Variants in TMEM51 observed in about 807,000 individuals in gnomAD.
TMEM51 encodes transmembrane protein 51, also known as chromosome 1 open reading frame 72.
TMEM51 carries 8 observed loss-of-function variants against 13.6 expected under a neutral mutation model. That is an observed-to-expected ratio of 0.59 (90% confidence interval 0.35 to 1.07). The LOEUF (loss-of-function observed/expected upper bound fraction) is 1.07. Among genes scored for constraint, TMEM51 ranks in the 50% least tolerant of loss-of-function variants. TMEM51 has a pLI of 0.02. For missense variants in TMEM51, 279 were observed against 330.7 expected, an observed-to-expected ratio of 0.84 and a Z score of 1.21; for synonymous variants, 147 against 144.4, an observed-to-expected ratio of 1.02 and a Z score of -0.13.
intron 1 of TMEM51, among the ~76,000 whole-genome samples, chr1:15,183,029 C>T (rs1010402771): frequency 6.6e-6 from 1 of 152,222 alleles, no homozygotes; most frequent in African/African-American, 2.4e-5. Context: ...TTCCAAAGTA[C>T]TAGGATAACA....
At chr1:15,197,997 A>G (rs1056871017) in intron 1 of TMEM51, among the ~76,000 whole-genome samples, 1 of 148,608 alleles carries the variant, frequency 6.7e-6, no homozygotes, top group Non-Finnish European at 1.5e-5. Context: ...ATAAACCTTT[A>G]TTTTTCTCTT....
rs1340726202 is a variant in TMEM51, at chr1:15,215,504, C to A, written c.344+73C>A. ...CACGCATGCACACACATGTTCACACCTTTCCGTGGTGAAAAGACTGTCATC... is the reference window on the plus strand; with the variant it reads ...CACGCATGCACACACATGTTCACACATTTCCGTGGTGAAAAGACTGTCATC... On this transcript the variant is annotated intron_variant, in intron 3 of 3. Transcript: ENST00000376008. 3.0e-6 allele frequency: 4 copies of A among 1,352,184 alleles called. No homozygotes were observed. The African/African-American group carries it at 4.4e-5, about 15-fold the overall frequency. The allele number at this position is 1,352,184 out of a possible 1,614,324, so 83.8% of individuals were successfully genotyped here. A position where few individuals can be genotyped will look rare whatever the true frequency, so the allele number is the denominator to read the frequency against.
chr1:15,183,008 C>G (rs538951898), intron 1 of TMEM51, among the ~76,000 whole-genome samples: 1 of 152,324 alleles, frequency 6.6e-6, no homozygotes, highest in South Asian at 2.1e-4. Context: ...AGTGATCCTC[C>G]CGCCTCAACC....
intron 1 of TMEM51, among the ~76,000 whole-genome samples, chr1:15,209,402 G>A (rs948794395): frequency 4.2e-4 from 64 of 152,096 alleles, no homozygotes; most frequent in Non-Finnish European, 9.0e-4. Context: ...TGGCCAGAAG[G>A]TAGCCTGAAT....
At chr1:15,168,625 A>G (rs1197612621) in intron 1 of TMEM51, 6 of 1,304,448 alleles carry the variant, frequency 4.6e-6, no homozygotes, top group African/African-American at 3.0e-5. Flanking sequence ...GAGTTCTTCA[A>G]CCTTGCCTGT....
At position 15,184,129 on chromosome 1, in the gene TMEM51, C is replaced by T. The variant is rs567923280; in HGVS notation, c.-266-26361C>T. Among the ~76,000 whole-genome samples the T allele has an allele frequency of 1.4e-3, 216 of 151,664 alleles. 1 individual carries two copies. Among genetic ancestry groups the T allele is most frequent in the African/African-American group, 5.1e-3 (211 of 41,386 alleles). ...ATCTCAGTTCACTGCAACTCTGCCT[C>T]CCAGGTTCAAGTGATTCTCCTGCAC... On this transcript the variant is annotated intron_variant, in intron 1 of 3. Transcript: ENST00000376008.
chr1:15,178,014 A>G (rs181468216), intron 1 of TMEM51, among the ~76,000 whole-genome samples: 1 of 152,230 alleles, frequency 6.6e-6, no homozygotes, highest in Non-Finnish European at 1.5e-5. Flanking sequence ...TCACCCAGCC[A>G]GGAAGGAAGT....
chr1:15,193,377 C>T (rs918257852), intron 1 of TMEM51, among the ~76,000 whole-genome samples: 10 of 152,130 alleles, frequency 6.6e-5, no homozygotes. Flanking sequence ...TGCTTGAGAT[C>T]ACAGGCTGGC....
chr1:15,152,766 G>GA (rs1642438576), upstream of TMEM51: 2 of 65,876 alleles, frequency 3.0e-5, no homozygotes, highest in Non-Finnish European at 8.8e-5. Context: ...ATCTCCAAGG[G>GA]GCGGAGGCAG....
chr1:15,191,164 A>AC (rs1643913643), intron 1 of TMEM51, among the ~76,000 whole-genome samples: 1 of 152,178 alleles, frequency 6.6e-6, no homozygotes, highest in African/African-American at 2.4e-5. Flanking sequence ...CAGAAGCTGG[A>AC]TGCATATGCT....
At chr1:15,160,192 G>A (rs929566565) in intron 1 of TMEM51, among the ~76,000 whole-genome samples, 3 of 152,178 alleles carry the variant, frequency 2.0e-5, no homozygotes, top group African/African-American at 7.2e-5. Context: ...ACCTTTTCCT[G>A]GAACCCACAG....
intron 2 of TMEM51, among the ~76,000 whole-genome samples, chr1:15,213,368 A>C (rs1644371974): frequency 6.6e-6 from 1 of 152,238 alleles, no homozygotes; most frequent in Non-Finnish European, 1.5e-5. Flanking sequence ...TCTTCGCAGC[A>C]TCAGATTTCA....
chr1:15,204,341 G>T (rs775265581), intron 1 of TMEM51, among the ~76,000 whole-genome samples: 1 of 152,138 alleles, frequency 6.6e-6, no homozygotes, highest in Admixed American at 6.6e-5. Flanking sequence ...ATCACCTGAG[G>T]TCAGGAGTTT....
intron 1 of TMEM51, among the ~76,000 whole-genome samples, chr1:15,206,013 G>C (rs896454301): frequency 2.0e-5 from 3 of 152,286 alleles, no homozygotes; most frequent in Middle Eastern, 3.4e-3. Context: ...GAGGCAGGCA[G>C]ATTGCTTGAG....
chr1:15,189,501 A>G (rs1337473998), intron 1 of TMEM51, among the ~76,000 whole-genome samples: 1 of 152,036 alleles, frequency 6.6e-6, no homozygotes, highest in Non-Finnish European at 1.5e-5. Context: ...TCCTTAGCTC[A>G]TCTTTTGGAT....
rs547383413 is a variant in TMEM51, at chr1:15,168,507, G to A, written c.-267+14553G>A. On this transcript the variant is annotated intron_variant, in intron 1 of 3. Transcript: ENST00000376008. ...CCAATTTTATGTATTATTGCCCCTT[G>A]GTTTTATGATTGGAAGCTGGTAGAA... 7.8e-4 allele frequency: 1,019 copies of A among 1,304,304 alleles called. 1 individual carries two copies. Among genetic ancestry groups the A allele is most frequent in the Non-Finnish European group, 9.4e-4 (933 of 988,856 alleles). 80.8% of individuals were successfully genotyped at this position (1,304,304 alleles called of 1,614,324 possible).
chr1:15,185,978 G>A (rs1643760534), intron 1 of TMEM51, among the ~76,000 whole-genome samples: 1 of 152,192 alleles, frequency 6.6e-6, no homozygotes, highest in South Asian at 2.1e-4. Flanking sequence ...CTGCAGGTCA[G>A]AGAGGCTGAC....
At chr1:15,153,399 G>A (rs183799727), upstream of TMEM51, among the ~76,000 whole-genome samples, 1 of 147,856 alleles carries the variant, frequency 6.8e-6, no homozygotes, top group Non-Finnish European at 1.5e-5. Context: ...TCACACACAC[G>A]CGCGTGCGCG....
At position 15,219,876 on chromosome 1, in the gene TMEM51, C is replaced by G. The variant is rs367667988; in HGVS notation, c.*133C>G. Reference sequence around the variant, plus strand: ...ATGGAGCCATTTGGATGGCGGCGGGCGGGGGGGGATTCTCTGTATCAGGAG... The same window carrying G: ...ATGGAGCCATTTGGATGGCGGCGGGGGGGGGGGGATTCTCTGTATCAGGAG... On this transcript the variant is annotated 3_prime_UTR_variant, in exon 4 of 4. Transcript: ENST00000376008. 1.1e-3 allele frequency: 1,090 copies of G among 965,600 alleles called. 12 individuals carry two copies. In the African/African-American group the frequency reaches 0.016, roughly 14 times the overall value. The allele number at this position is 965,600 out of a possible 1,614,324, so 59.8% of individuals were successfully genotyped here.
Sources: gnomAD v4.1 joint callset for allele counts (sites outside exome capture counted in the v4.1 genomes callset) on GRCh38, gnomAD v4.1.1 for gene constraint, MANE v1.5 for transcripts, NCBI Gene and HGNC (gene_info 2026-07-23, HGNC 2026-07-21) for gene names.